Variants in GALE observed in about 807,000 individuals in gnomAD.
GALE encodes UDP-glucose 4-epimerase.
Under a neutral mutation model 44.1 loss-of-function variants are expected in GALE, and 32 were observed. The observed-to-expected ratio is 0.73, with a 90% CI of 0.55 to 0.97. The LOEUF is 0.97. GALE is among the 50% of genes least tolerant of loss of function. GALE has a pLI of 0.00. For missense variants in GALE, 423 were observed against 455.6 expected (o/e 0.93, Z 0.65); for synonymous variants, 182 against 183.5 (o/e 0.99, Z 0.06).
chr1:23,796,529 C>T lies in GALE; in HGVS notation c.853G>A (p.Glu285Lys). 6.2e-7 allele frequency: 1 copy of T among 1,613,730 alleles called. No individual in the cohort carries two copies. The highest frequency in any genetic ancestry group is 1.7e-5 in the Admixed American group (1 of 60,020). ...YSVLQMVQAM[E>K]KASGKKIPYK... ...CCTACCTTCTTCCCAGAGGCCTTCTCCATAGCCTGGACCATCTGCAGCACT... is the reference window on the plus strand; with the variant it reads ...CCTACCTTCTTCCCAGAGGCCTTCTTCATAGCCTGGACCATCTGCAGCACT... The change falls in exon 10 of 12, where the codon GAG becomes AAG. Residue 285 changes from glutamate to lysine, a missense_variant. Glu to Lys is a moderately conservative substitution (Grantham distance 56). Transcript: ENST00000617979. The surrounding 1 kb of genome is among the most constrained non-coding windows in gnomAD (Gnocchi z 5.2).
chr1:23,800,045 T>C (rs1206225295), intron 1 of GALE: 1 of 152,308 alleles, frequency 6.6e-6, no homozygotes, highest in African/African-American at 2.4e-5. Context: ...CCAGGCACTT[T>C]TGCATGATTT....
Position 23,796,577 on chromosome 1 carries a change from G to A in GALE, c.805C>T (p.Leu269=), listed in dbSNP as rs1273584446. 4.4e-5 allele frequency: 71 copies of A among 1,614,026 alleles called. No individual in the cohort carries two copies. The highest frequency in any genetic ancestry group is 5.6e-5 in the Non-Finnish European group (66 of 1,180,046). Residue 269 remains leucine, a synonymous_variant, in exon 10 of 12, where the codon CTG becomes TTG. Transcript: ENST00000617979. This position sits in a 1 kb window ranked among gnomAD's most constrained non-coding sequence, Gnocchi z 5.2. ...ACTGAATAGCCTGTGCCCGTGCCCA[G>A]GTTGTAGATCTGGCCCACGGAGAAC... The part of the protein sequence containing the change: ...KEQCGCRIYN[L]GTGTGYSVLQ...
rs398123346 is a variant in GALE, at chr1:23,797,787, C to T, written c.436G>A (p.Glu146Lys). Residue 146 changes from glutamate to lysine, a missense_variant, in exon 6 of 12, where the codon GAG becomes AAG. By Grantham distance (56) the Glu-to-Lys change is moderately conservative. Transcript: ENST00000617979. ...YGNPQYLPLDEAHPTGGCTNP... is the reference protein window; with the variant it reads ...YGNPQYLPLDKAHPTGGCTNP... Reference sequence around the variant, plus strand: ...GTACAACCACCCGTGGGGTGGGCCTCATCAAGGGGCAGGTACTGGGGGTTC... The same window carrying T: ...GTACAACCACCCGTGGGGTGGGCCTTATCAAGGGGCAGGTACTGGGGGTTC... 2 of 1,614,152 alleles carry T rather than the reference C, an allele frequency of 1.2e-6. No individual in the cohort carries two copies. Among genetic ancestry groups the T allele is most frequent in the Non-Finnish European group, 1.7e-6 (2 of 1,179,972 alleles).
In GALE at chr1:23,796,081, G is replaced by A; in HGVS notation, c.988+70C>T. On this transcript the variant is annotated intron_variant, in intron 11 of 11. Transcript: ENST00000617979. The surrounding 1 kb of genome is among the most constrained non-coding windows in gnomAD (Gnocchi z 5.2). Reference sequence around the variant, plus strand: ...CCTCCCCCACCCCACAGCCCGCCCTGGGTGGGCATGCCCAGATCTGATTTA... The same window carrying A: ...CCTCCCCCACCCCACAGCCCGCCCTAGGTGGGCATGCCCAGATCTGATTTA... 6.2e-7 allele frequency: 1 copy of A among 1,602,286 alleles called. No individual in the cohort carries two copies. Among genetic ancestry groups the A allele is most frequent in the Non-Finnish European group, 8.5e-7 (1 of 1,169,850 alleles).
Position 23,797,804 on chromosome 1 carries a change from T to C in GALE, c.419A>G (p.Gln140Arg), listed in dbSNP as rs1178021222. 1 of 1,613,978 alleles carries C rather than the reference T, an allele frequency of 6.2e-7. No homozygotes were observed. The highest frequency in any genetic ancestry group is 8.5e-7 in the Non-Finnish European group (1 of 1,179,924). ...GTGGGCCTCATCAAGGGGCAGGTAC[T>C]GGGGGTTCCCGTACACAGTGGCTGA... ...SSSATVYGNPQYLPLDEAHPT... is the reference protein window; with the variant it reads ...SSSATVYGNPRYLPLDEAHPT... Residue 140 changes from glutamine (Q) to arginine (R), a missense_variant, in exon 6 of 12, where the codon CAG becomes CGG. Physicochemically the swap from Gln to Arg is conservative, Grantham distance 43. Coordinates refer to ENST00000617979, the MANE Select transcript of GALE (RefSeq NM_001008216.2).
At position 23,798,656 on chromosome 1, in the gene GALE, C is replaced by CCAT; in HGVS notation, c.193_195dup (p.Met65dup). On this transcript the variant is annotated inframe_insertion, in exon 4 of 12. Transcript: ENST00000617979. This position sits in a 1 kb window ranked among gnomAD's most constrained non-coding sequence, Gnocchi z 4.5. Reference sequence around the variant, plus strand: ...TGTAGGGCTCCCTGGTCCAAAATGTCCATCTCCTCAAACTCCACAGAGCGG... The same window carrying CCAT: ...TGTAGGGCTCCCTGGTCCAAAATGTCCATCATCTCCTCAAACTCCACAGAGCGG... The CCAT allele has an allele frequency of 6.2e-7, 1 of 1,613,936 alleles. No homozygotes were observed. The highest frequency in any genetic ancestry group is 8.5e-7 in the Non-Finnish European group (1 of 1,179,880).
rs1277103514 is a variant in GALE at position 23,796,891 on chromosome 1, T to A, written c.694A>T (p.Thr232Ser). The A allele has an allele frequency of 3.1e-6, 5 of 1,613,766 alleles. No homozygotes were observed. The highest frequency in any genetic ancestry group is 4.2e-6 in the Non-Finnish European group (5 of 1,179,876). Residue 232 changes from threonine to serine, a missense_variant, in exon 8 of 12, where the codon ACA (threonine) becomes TCA (serine). By Grantham distance (58) the Thr-to-Ser change is moderately conservative. Coordinates refer to ENST00000617979, the MANE Select transcript of GALE (RefSeq NM_001008216.2). The surrounding 1 kb of genome is among the most constrained non-coding windows in gnomAD (Gnocchi z 5.2). ...CTAGGCTCACCTGTGCCATCCTCTG[T>A]GTCATAGTCATTGCCAAAGACATTC... ...ALNVFGNDYDTEDGTGVRDYI... is the reference protein window; with the variant it reads ...ALNVFGNDYDSEDGTGVRDYI...
Position 23,797,099 on chromosome 1 carries a change from C to G in GALE, c.577G>C (p.Ala193Pro), listed in dbSNP as rs762512073. The G allele has an allele frequency of 2.5e-6, 4 of 1,613,502 alleles. No homozygotes were observed. Among genetic ancestry groups the G allele is most frequent in the Non-Finnish European group, 2.5e-6 (3 of 1,179,804 alleles). ...GGATCCTCACCAATGCAGCCAGAGG[C>G]ATGGGCACCTGTGGGGTTGAAATAG... is the stretch of plus-strand genomic sequence containing the variant. ...LRYFNPTGAH[A>P]SGCIGEDPQG... The change falls in exon 7 of 12, where the codon GCC becomes CCC. Residue 193 changes from alanine (A) to proline (P), a missense_variant. By Grantham distance (27) the Ala-to-Pro change is conservative. Transcript: ENST00000617979.
intron 1 of GALE, chr1:23,800,137 A>G (rs1639082999): frequency 6.6e-6 from 1 of 152,194 alleles, no homozygotes; most frequent in African/African-American, 2.4e-5. Flanking sequence ...CAGAGAGGTG[A>G]AACAGTTGCC....
rs1463746382 is a variant in GALE at position 23,797,158 on chromosome 1, T to C, written c.529-11A>G. The stretch of plus-strand genomic sequence containing the variant: ...CACTGCGTTCCAAGTCTGTGGGATG[T>C]GGGTCAGGTGGTGAGGCCAGAGGCA... On this transcript the variant is annotated splice_polypyrimidine_tract_variant and intron_variant, in intron 6 of 11. Coordinates refer to ENST00000617979, the MANE Select transcript of GALE (RefSeq NM_001008216.2). 5 of 1,588,048 alleles carry C rather than the reference T, an allele frequency of 3.1e-6. No individual in the cohort carries two copies. The highest frequency in any genetic ancestry group is 1.7e-4 in the Middle Eastern group (1 of 6,038).
At position 23,796,525 on chromosome 1, in the gene GALE, T is replaced by G. The variant is rs776128626; in HGVS notation, c.857A>C (p.Lys286Thr). The G allele has an allele frequency of 4.3e-6, 7 of 1,613,544 alleles. No homozygotes were observed. The South Asian group carries it at 7.7e-5, about 18-fold the overall frequency. Residue 286 changes from lysine (K) to threonine (T), a missense_variant, in exon 10 of 12, where the codon AAG (lysine) becomes ACG (threonine). Coordinates refer to ENST00000617979, the MANE Select transcript of GALE (RefSeq NM_001008216.2). The surrounding 1 kb of genome is among the most constrained non-coding windows in gnomAD (Gnocchi z 5.2). ...GGGGCCTACCTTCTTCCCAGAGGCC[T>G]TCTCCATAGCCTGGACCATCTGCAG... ...SVLQMVQAME[K>T]ASGKKIPYKV... is the part of the protein sequence containing the mutation.
intron 1 of GALE, chr1:23,799,786 CAG>C (rs894418147): frequency 1.6e-4 from 25 of 153,332 alleles, no homozygotes; most frequent in African/African-American, 5.5e-4. Context: ...ACTCCTGGCT[CAG>C]AGTTAGGAAT....
Position 23,796,776 on chromosome 1 carries a change from C to T in GALE, c.716G>A (p.Arg239Gln), listed in dbSNP as rs1349082044. The change falls in exon 9 of 12, where the codon CGG becomes CAG. Residue 239 changes from arginine (R) to glutamine (Q), a missense_variant. Physicochemically the swap from Arg to Gln is conservative, Grantham distance 43. Coordinates refer to ENST00000617979, the MANE Select transcript of GALE (RefSeq NM_001008216.2). The surrounding 1 kb of genome is among the most constrained non-coding windows in gnomAD (Gnocchi z 5.2). ...DYDTEDGTGV[R>Q]DYIHVVDLAK... is the part of the protein sequence containing the mutation. ...CAGATCCACGACATGGATGTAATCC[C>T]GGACACCTGCAGAGAAGGGAGTGTG... The T allele has an allele frequency of 3.1e-6, 5 of 1,610,270 alleles. No homozygotes were observed. The highest frequency in any genetic ancestry group is 3.4e-6 in the Non-Finnish European group (4 of 1,178,104).
chr1:23,796,994 A>G lies in GALE; in HGVS notation c.642+40T>C, dbSNP rs541289041. ...TCCCAGATCCCAGGCACCAGCTTTA[A>G]CCCCAGGGCCACTCCTCTGTCCCTT... On this transcript the variant is annotated intron_variant, in intron 7 of 11. Transcript: ENST00000617979. This position sits in a 1 kb window ranked among gnomAD's most constrained non-coding sequence, Gnocchi z 5.2. The G allele has an allele frequency of 6.2e-7, 1 of 1,608,208 alleles. No homozygotes were observed. The highest frequency in any genetic ancestry group is 2.2e-5 in the East Asian group (1 of 44,740).
At position 23,798,309 on chromosome 1, in the gene GALE, A is replaced by AC; in HGVS notation, c.238-80dup. 1.1e-6 allele frequency: 1 copy of AC among 895,210 alleles called. No homozygotes were observed. 55.5% of individuals were successfully genotyped at this position (895,210 alleles called of 1,614,324 possible). On this transcript the variant is annotated intron_variant, in intron 4 of 11. Transcript: ENST00000617979. This position sits in a 1 kb window ranked among gnomAD's most constrained non-coding sequence, Gnocchi z 4.5. ...GCCCTCAGCCTGCCTGCCTGCACTC[A>AC]CCTTTTTTTTTTTTTTTGACAGTCT...
In GALE at chr1:23,796,892, G is replaced by A; in HGVS notation, c.693C>T (p.Asp231=). Residue 231 remains aspartate, a synonymous_variant, in exon 8 of 12, where the codon GAC becomes GAT. Coordinates refer to ENST00000617979, the MANE Select transcript of GALE (RefSeq NM_001008216.2). The surrounding 1 kb of genome is among the most constrained non-coding windows in gnomAD (Gnocchi z 5.2). ...TAGGCTCACCTGTGCCATCCTCTGT[G>A]TCATAGTCATTGCCAAAGACATTCA... ...EALNVFGNDY[D]TEDGTGVRDY... is the part of the protein sequence containing the mutation. 1.2e-6 allele frequency: 2 copies of A among 1,613,738 alleles called. No homozygotes were observed. The highest frequency in any genetic ancestry group is 1.7e-6 in the Non-Finnish European group (2 of 1,179,884).
Position 23,798,448 on chromosome 1 carries a change from G to A in GALE, c.237+167C>T, listed in dbSNP as rs1038215940. Reference sequence around the variant, plus strand: ...GCCTCCCGAGTAGCTGGGACCACAGGTATGGGCTACCATGCCCAGCTAATT... The same window carrying A: ...GCCTCCCGAGTAGCTGGGACCACAGATATGGGCTACCATGCCCAGCTAATT... On this transcript the variant is annotated intron_variant, in intron 4 of 11. Transcript: ENST00000617979. This position sits in a 1 kb window ranked among gnomAD's most constrained non-coding sequence, Gnocchi z 4.5. 15 of 695,488 alleles carry A rather than the reference G, an allele frequency of 2.2e-5. No homozygotes were observed. Among genetic ancestry groups the A allele is most frequent in the African/African-American group, 1.9e-4 (11 of 56,722 alleles). The allele number at this position is 695,488 out of a possible 1,614,324, so 43.1% of individuals were successfully genotyped here.
In GALE at chr1:23,795,803, T is replaced by C. The variant is rs1638927276; in HGVS notation, c.*146A>G. On this transcript the variant is annotated 3_prime_UTR_variant, in exon 12 of 12. Coordinates refer to ENST00000617979, the MANE Select transcript of GALE (RefSeq NM_001008216.2). ...CTGGTCAGTGGAGCCCTTGGCCTCATGCCTGGTGGGCTAAGCGGGCCCAGC... is the reference window on the plus strand; with the variant it reads ...CTGGTCAGTGGAGCCCTTGGCCTCACGCCTGGTGGGCTAAGCGGGCCCAGC... 2.6e-6 allele frequency: 2 copies of C among 760,476 alleles called. No individual in the cohort carries two copies. The highest frequency in any genetic ancestry group is 4.6e-6 in the Non-Finnish European group (2 of 434,360). 47.1% of individuals were successfully genotyped at this position (760,476 alleles called of 1,614,324 possible).
At chr1:23,797,487 T>C (rs1050791425) in intron 6 of GALE, among the ~76,000 whole-genome samples, 1 of 152,134 alleles carries the variant, frequency 6.6e-6, no homozygotes, top group Non-Finnish European at 1.5e-5. Context: ...CCCAAAGTGC[T>C]GAGATTACAG....
Sources: allele counts gnomAD v4.1 joint callset (sites outside exome capture counted in the v4.1 genomes callset), GRCh38; gene constraint gnomAD v4.1.1; non-coding constraint Gnocchi (gnomAD v3.1); transcripts MANE v1.5; gene names NCBI Gene and HGNC (gene_info 2026-07-23, HGNC 2026-07-21).